Variants in RPGRIP1L observed in about 807,000 individuals in gnomAD.
RPGRIP1L encodes protein fantom.
In RPGRIP1L, 131 loss-of-function variants were observed where a neutral mutation model predicts 160.4. That is an observed-to-expected ratio of 0.82 (90% CI 0.71 to 0.94). RPGRIP1L has a LOEUF of 0.94. RPGRIP1L is among the 40% of genes least tolerant of loss of function. The probability of loss-of-function intolerance (pLI) is 0.00; values close to 1 mark genes in which losing one functional copy is unlikely to be tolerated. For missense variants in RPGRIP1L, 1,522 were observed against 1,535.8 expected, an observed-to-expected ratio of 0.99 and a Z score of 0.15; for synonymous variants, 510 against 515.8, an observed-to-expected ratio of 0.99 and a Z score of 0.15.
At position 53,656,532 on chromosome 16, in the gene RPGRIP1L, T is replaced by C; in HGVS notation, c.1639A>G (p.Lys547Glu). The change falls in exon 14 of 27, where the codon AAA becomes GAA. Residue 547 changes from lysine to glutamate, a missense_variant. Physicochemically the swap from Lys to Glu is moderately conservative, Grantham distance 56 (BLOSUM62 1). Transcript: ENST00000647211. Reference sequence around the variant, plus strand: ...AGAAGATGAACATACTGTTCCACTTTGAGTTCATAATCTTGCTGCAAATTT... The same window carrying C: ...AGAAGATGAACATACTGTTCCACTTCGAGTTCATAATCTTGCTGCAAATTT... ...MENLQQDYEL[K>E]VEQYVHLLDI... The C allele has an allele frequency of 6.2e-7, 1 of 1,614,118 alleles. No individual in the cohort carries two copies. The highest frequency in any genetic ancestry group is 8.5e-7 in the Non-Finnish European group (1 of 1,179,974).
At chr16:53,689,952 A>C (rs935761690) in intron 4 of RPGRIP1L, among the ~76,000 whole-genome samples, 1 of 152,186 alleles carries the variant, frequency 6.6e-6, no homozygotes, top group Non-Finnish European at 1.5e-5. Context: ...GTGGCTCTTA[A>C]TTTCGCTATA....
At chr16:53,672,278 T>C (rs1462447133) in intron 8 of RPGRIP1L, among the ~76,000 whole-genome samples, 1 of 152,152 alleles carries the variant, frequency 6.6e-6, no homozygotes, top group Non-Finnish European at 1.5e-5. Flanking sequence ...AGATTACTCT[T>C]TATTTCCATT....
At chr16:53,624,826 G>T (rs1964979092) in intron 22 of RPGRIP1L, among the ~76,000 whole-genome samples, 1 of 148,074 alleles carries the variant, frequency 6.8e-6, no homozygotes, top group Admixed American at 6.8e-5. Flanking sequence ...GCCCAGGCTG[G>T]ACTGTACTGC....
intron 6 of RPGRIP1L, among the ~76,000 whole-genome samples, chr16:53,684,088 A>C (rs531770643): frequency 6.6e-6 from 1 of 152,314 alleles, no homozygotes; most frequent in South Asian, 2.1e-4. Flanking sequence ...AAAATTCAGG[A>C]AACAACAGAT....
rs766276171 is a variant in RPGRIP1L at position 53,700,665 on chromosome 16, T to G, written c.59A>C (p.Asn20Thr). Residue 20 changes from asparagine (N) to threonine (T), a missense_variant, in exon 2 of 27, where the codon AAC becomes ACC. By Grantham distance (65) the Asn-to-Thr change is moderately conservative. Transcript: ENST00000647211. Reference protein sequence around the residue: ...GDLPVKDTGLNLFGMGGLQET... With the variant: ...GDLPVKDTGLTLFGMGGLQET... ...TTGTAACCCTCCCATTCCAAAGAGG[T>G]TTAGACCTGTATCTTTCACAGGCAA... The G allele has an allele frequency of 9.9e-6, 16 of 1,613,334 alleles. No homozygotes were observed. Among genetic ancestry groups the G allele is most frequent in the Non-Finnish European group, 1.1e-5 (13 of 1,179,586 alleles).
intron 15 of RPGRIP1L, among the ~76,000 whole-genome samples, chr16:53,649,629 A>C (rs1296694046): frequency 2.0e-5 from 3 of 152,196 alleles, no homozygotes; most frequent in Non-Finnish European, 2.9e-5. Flanking sequence ...TGCCAAATAC[A>C]TGTCCCATGC....
chr16:53,702,473 C>G (rs1468035142), intron 1 of RPGRIP1L, among the ~76,000 whole-genome samples: 1 of 152,114 alleles, frequency 6.6e-6, no homozygotes, highest in African/African-American at 2.4e-5. Flanking sequence ...TCTCCAACAC[C>G]ATCTTATGTT....
intron 6 of RPGRIP1L, among the ~76,000 whole-genome samples, chr16:53,686,051 T>C (rs1176798375): frequency 2.6e-5 from 4 of 152,088 alleles, no homozygotes; most frequent in Non-Finnish European, 5.9e-5. Flanking sequence ...TCTTTTAAGG[T>C]TGAAAAAAGT....
chr16:53,695,465 C>CATA, intron 3 of RPGRIP1L: 1 of 702,734 alleles, frequency 1.4e-6, no homozygotes, highest in East Asian at 2.7e-5. Context: ...GAACCTAGAA[C>CATA]ATAAATATGA....
At chr16:53,674,749 A>G (rs999873727) in intron 7 of RPGRIP1L, among the ~76,000 whole-genome samples, 1 of 152,164 alleles carries the variant, frequency 6.6e-6, no homozygotes, top group African/African-American at 2.4e-5. Context: ...CCTTGGTAGA[A>G]GATAATTTAT....
At chr16:53,631,092 T>C (rs759050501) in intron 22 of RPGRIP1L, among the ~76,000 whole-genome samples, 2 of 152,194 alleles carry the variant, frequency 1.3e-5, no homozygotes, top group Non-Finnish European at 2.9e-5. Flanking sequence ...ATGTAAAACA[T>C]TGAGAGTGGC....
chr16:53,619,391 G>A (rs1202025366), intron 23 of RPGRIP1L, among the ~76,000 whole-genome samples, 183 bp from the exon 24 acceptor site: 1 of 152,220 alleles, frequency 6.6e-6, no homozygotes, highest in Non-Finnish European at 1.5e-5. Context: ...GACACAGAAT[G>A]AGATGCTAAT....
At chr16:53,681,375 G>T (rs1969593381) in intron 6 of RPGRIP1L, among the ~76,000 whole-genome samples, 1 of 152,098 alleles carries the variant, frequency 6.6e-6, no homozygotes, top group South Asian at 2.1e-4. Flanking sequence ...GTCAGTAAAT[G>T]GTAAAATCAT....
At chr16:53,640,819 GA>G (rs1966163525) in intron 19 of RPGRIP1L, among the ~76,000 whole-genome samples, 1 of 152,036 alleles carries the variant, frequency 6.6e-6, no homozygotes, top group African/African-American at 2.4e-5. Context: ...GCAGAAGCTA[GA>G]GAGAGGTAAG....
chr16:53,619,313 A>T, intron 23 of RPGRIP1L, 105 bp from the exon 24 acceptor site: 1 of 980,138 alleles, frequency 1.0e-6, no homozygotes, highest in Non-Finnish European at 1.6e-6. Flanking sequence ...ACGAAGGCCA[A>T]TGGGCTTCTT....
At chr16:53,603,030 G>A (rs1262482078) in intron 26 of RPGRIP1L, among the ~76,000 whole-genome samples, 2 of 152,182 alleles carry the variant, frequency 1.3e-5, no homozygotes, top group Admixed American at 1.3e-4. Context: ...TCTTGGAAGA[G>A]GGACCACTAC....
intron 24 of RPGRIP1L, among the ~76,000 whole-genome samples, chr16:53,615,472 A>ATTTTTTTTTTTTT (rs1166401715): frequency 1.3e-5 from 1 of 75,080 alleles, no homozygotes; most frequent in African/African-American, 5.3e-5. Flanking sequence ...ATATATATAT[A>ATTTTTTTTTTTTT]TTTTTTTTTT....
At chr16:53,695,570 T>C in intron 3 of RPGRIP1L, 2 of 609,966 alleles carry the variant, frequency 3.3e-6, no homozygotes. Flanking sequence ...TAAAAAAGAA[T>C]GAAAGAGTAT....
intron 8 of RPGRIP1L, among the ~76,000 whole-genome samples, chr16:53,672,129 C>A (rs1401361260): frequency 6.6e-6 from 1 of 152,024 alleles, no homozygotes; most frequent in African/African-American, 2.4e-5. Flanking sequence ...ACTGTTTTAG[C>A]CCATGAACAG....
Sources: gnomAD v4.1 joint callset for allele counts (sites outside exome capture counted in the v4.1 genomes callset) on GRCh38, gnomAD v4.1.1 for gene constraint, MANE v1.5 for transcripts, NCBI Gene and HGNC (gene_info 2026-07-23, HGNC 2026-07-21) for gene names.